TMC1: variants seen among roughly 807,000 people sequenced by gnomAD.
TMC1 encodes transmembrane channel-like protein 1.
A neutral mutation model predicts 105.8 loss-of-function variants in TMC1; 84 were observed. The ratio of observed to expected loss-of-function variants is 0.79; its 90% confidence interval spans 0.67 to 0.95. The LOEUF (loss-of-function observed/expected upper bound fraction) is 0.95. TMC1 is among the 40% of genes least tolerant of loss of function. The pLI is 0.00. For missense variants in TMC1, 817 were observed against 914.1 expected, an observed-to-expected ratio of 0.89 and a Z score of 1.37; for synonymous variants, 315 against 311.5, an observed-to-expected ratio of 1.01 and a Z score of -0.12.
At chr9:72,800,861 G>C (rs1828458899) in intron 17 of TMC1, among the ~76,000 whole-genome samples, 1 of 152,122 alleles carries the variant, frequency 6.6e-6, no homozygotes, top group South Asian at 2.1e-4. Context: ...GGAACAAAAA[G>C]AACATATAGG....
intron 1 of TMC1, among the ~76,000 whole-genome samples, chr9:72,550,234 G>A (rs1272986529): frequency 6.6e-6 from 1 of 151,888 alleles, no homozygotes; most frequent in Non-Finnish European, 1.5e-5. Context: ...TTGGGAAGCC[G>A]AGGCAGGCGG....
At chr9:72,752,102 G>A in intron 11 of TMC1, 146 bp downstream of exon 11, 1 of 677,978 alleles carries the variant, frequency 1.5e-6, no homozygotes, top group East Asian at 2.7e-5. Flanking sequence ...CCTTCAAAAT[G>A]GTGCCCATGG....
chr9:72,834,068 T>A, intron 23 of TMC1, among the ~76,000 whole-genome samples: 1 of 151,938 alleles, frequency 6.6e-6, no homozygotes, highest in East Asian at 1.9e-4. Context: ...TTATTTTTCA[T>A]CCTTAAATTC....
At chr9:72,624,558 C>T (rs1368943202) in intron 3 of TMC1, among the ~76,000 whole-genome samples, 2 of 152,122 alleles carry the variant, frequency 1.3e-5, no homozygotes, top group Non-Finnish European at 2.9e-5. Context: ...CATAGTTTTC[C>T]CCACTGGGAG....
intron 8 of TMC1, among the ~76,000 whole-genome samples, chr9:72,712,858 G>C (rs1188130733): frequency 6.6e-6 from 1 of 152,146 alleles, no homozygotes; most frequent in South Asian, 2.1e-4. Flanking sequence ...TTTTCAAAGG[G>C]AATGCTTATG....
intron 3 of TMC1, among the ~76,000 whole-genome samples, chr9:72,622,889 C>T (rs1356984897): frequency 6.6e-6 from 1 of 151,374 alleles, no homozygotes; most frequent in Non-Finnish European, 1.5e-5. Flanking sequence ...CATCTCTACT[C>T]AAAAGTACAA....
chr9:72,716,898 C>T (rs1202981204), intron 8 of TMC1, among the ~76,000 whole-genome samples: 10 of 152,108 alleles, frequency 6.6e-5, no homozygotes, highest in East Asian at 1.9e-4. Context: ...GCCCTGGTGG[C>T]GTGGGAACTG....
Position 72,754,883 on chromosome 9 carries a change from A to T in TMC1, c.740A>T (p.Asn247Ile), listed in dbSNP as rs549050367. ...AACTTTGGTGTGTTGTACGACTTCA[A>T]TGTAAGTGTCTCCACACAAGTGTAT... Reference protein sequence around the residue: ...AANFGVLYDFNGLAQYSVLFY... With the variant: ...AANFGVLYDFIGLAQYSVLFY... The change falls in exon 12 of 24, where the codon AAT becomes ATT. Residue 247 changes from asparagine (N) to isoleucine (I), a missense_variant and splice_region_variant. Physicochemically the swap from Asn to Ile is moderately radical, Grantham distance 149. Coordinates refer to ENST00000297784, the MANE Select transcript of TMC1 (RefSeq NM_138691.3). The T allele has an allele frequency of 6.2e-7, 1 of 1,611,062 alleles. No individual in the cohort carries two copies. Among genetic ancestry groups the T allele is most frequent in the Non-Finnish European group, 8.5e-7 (1 of 1,177,336 alleles).
intron 5 of TMC1, among the ~76,000 whole-genome samples, chr9:72,682,612 G>T (rs1375521078): frequency 6.6e-6 from 1 of 152,138 alleles, no homozygotes; most frequent in Middle Eastern, 3.2e-3. Flanking sequence ...ATAATCTTGG[G>T]TATATTTTAT....
At chr9:72,663,450 G>A (rs925029532) in intron 5 of TMC1, among the ~76,000 whole-genome samples, 2 of 152,186 alleles carry the variant, frequency 1.3e-5, no homozygotes, top group African/African-American at 4.8e-5. Context: ...CCCCAGGAAA[G>A]AAGGGGGTTT....
At chr9:72,688,663 G>A (rs202182752) in intron 5 of TMC1, 46 bp from the exon 6 acceptor site, 2 of 1,509,708 alleles carry the variant, frequency 1.3e-6, no homozygotes, top group Non-Finnish European at 9.2e-7. Context: ...ACTAACAATT[G>A]TACAGGCATT....
chr9:72,771,236 T>C (rs981869890), intron 12 of TMC1, among the ~76,000 whole-genome samples: 2 of 152,198 alleles, frequency 1.3e-5, no homozygotes, highest in African/African-American at 2.4e-5. Context: ...TTCTAGTTCT[T>C]AAAGAGTACA....
chr9:72,828,420 AAC>A (rs35308376), intron 21 of TMC1, among the ~76,000 whole-genome samples: 37 of 149,578 alleles, frequency 2.5e-4, no homozygotes, highest in Admixed American at 3.3e-4. Context: ...TGTTGTTTAA[AAC>A]ACACACACAC....
intron 17 of TMC1, among the ~76,000 whole-genome samples, chr9:72,798,982 G>C (rs1217752546): frequency 6.6e-6 from 1 of 151,828 alleles, no homozygotes; most frequent in Non-Finnish European, 1.5e-5. Context: ...AATAACCCCA[G>C]CCCAAGACTA....
intron 8 of TMC1, among the ~76,000 whole-genome samples, chr9:72,711,528 G>A (rs575076163): frequency 1.3e-5 from 2 of 152,116 alleles, no homozygotes; most frequent in Non-Finnish European, 2.9e-5. Context: ...GTGATGATGA[G>A]CCTTTTTTTC....
chr9:72,664,667 A>C lies in TMC1; in HGVS notation c.16+16003A>C, dbSNP rs575415496. Among the ~76,000 whole-genome samples the C allele has an allele frequency of 6.2e-4, 94 of 152,196 alleles. 2 individuals are homozygous for C. The highest frequency in any genetic ancestry group is 1.9e-3 in the African/African-American group (77 of 41,532). ...GAGGAGATCAGCTGCAGGACAGCCA[A>C]ACTCCAGGGGAAGATCATCTCTCAC... On this transcript the variant is annotated intron_variant, in intron 5 of 23. Transcript: ENST00000297784.
At chr9:72,657,452 G>GTT (rs532236022) in intron 5 of TMC1, among the ~76,000 whole-genome samples, 2 of 151,848 alleles carry the variant, frequency 1.3e-5, no homozygotes, top group African/African-American at 4.8e-5. Flanking sequence ...TTCCAATACT[G>GTT]TTTTTTTTAT....
intron 8 of TMC1, among the ~76,000 whole-genome samples, chr9:72,715,719 C>T (rs1014423043): frequency 9.8e-5 from 14 of 142,214 alleles, no homozygotes; most frequent in South Asian, 2.4e-4. Flanking sequence ...TCCTTTAGCT[C>T]GGAGGAGTTT....
chr9:72,680,683 C>T (rs1826271977), intron 5 of TMC1, among the ~76,000 whole-genome samples: 1 of 152,094 alleles, frequency 6.6e-6, no homozygotes. Context: ...GCCCCTCCCT[C>T]ACCGCTAAGC....
Sources: allele counts gnomAD v4.1 joint callset (sites outside exome capture counted in the v4.1 genomes callset), GRCh38; gene constraint gnomAD v4.1.1; transcripts MANE v1.5; gene names NCBI Gene and HGNC (gene_info 2026-07-23, HGNC 2026-07-21).